CDH10: variants seen among roughly 807,000 people sequenced by gnomAD.
The protein encoded by CDH10 is cadherin 10.
Under a neutral mutation model 73.1 loss-of-function variants are expected in CDH10, and 30 were observed. The ratio of observed to expected loss-of-function variants is 0.41; its 90% CI spans 0.31 to 0.56. The LOEUF (loss-of-function observed/expected upper bound fraction) is 0.56, where lower values mean the gene tolerates loss of function less well. Among genes scored for constraint, CDH10 ranks in the 20% least tolerant of loss-of-function variants. The pLI is 0.27. For missense variants in CDH10, 815 were observed against 973.7 expected (o/e 0.84, Z 2.17); for synonymous variants, 345 against 348.2 (o/e 0.99, Z 0.10).
chr5:24,559,674 G>A (rs917356249), intron 2 of CDH10, among the ~76,000 whole-genome samples: 5 of 151,980 alleles, frequency 3.3e-5, no homozygotes, highest in Admixed American at 3.3e-4. Context: ...TAATGAAACA[G>A]GTGACAACAA....
chr5:24,581,827 T>C (rs10942060), intron 2 of CDH10, among the ~76,000 whole-genome samples: 58,434 of 152,044 alleles, frequency 0.38, 13,665 homozygotes, highest in East Asian at 0.54. Context: ...ATTTCATTAT[T>C]TGCTTGGATT....
chr5:24,611,856 A>G (rs970183340), intron 1 of CDH10: 5 of 152,138 alleles, frequency 3.3e-5, no homozygotes, highest in African/African-American at 1.2e-4. Flanking sequence ...CATGTTGAAG[A>G]GGATCATGGA....
chr5:24,643,967 C>T lies in CDH10; in HGVS notation c.-124+627G>A, dbSNP rs1281897734. ...TTACTCTCCCTCTCTTTACCTCTCT[C>T]CCCCCAATACTTCTGACTCAGATAT... On this transcript the variant is annotated intron_variant, in intron 1 of 11. Transcript: ENST00000264463. Among the ~76,000 whole-genome samples, 7 of 152,218 alleles carry T rather than the reference C, an allele frequency of 4.6e-5. 1 individual carries two copies. In the East Asian group the frequency reaches 1.2e-3, roughly 25 times the overall value.
intron 2 of CDH10, among the ~76,000 whole-genome samples, chr5:24,549,070 C>T (rs1167806110): frequency 6.6e-6 from 1 of 152,014 alleles, no homozygotes; most frequent in Non-Finnish European, 1.5e-5. Context: ...AAATTGGATA[C>T]AGAAAAATGT....
chr5:24,522,741 A>C (rs1743381732), intron 5 of CDH10, among the ~76,000 whole-genome samples: 1 of 152,178 alleles, frequency 6.6e-6, no homozygotes, highest in African/African-American at 2.4e-5. Flanking sequence ...AAGATCTAAA[A>C]GATTCATCAG....
intron 5 of CDH10, among the ~76,000 whole-genome samples, chr5:24,533,414 T>C (rs557035978): frequency 6.6e-6 from 1 of 151,996 alleles, no homozygotes; most frequent in Admixed American, 6.6e-5. Context: ...AAATGTATTG[T>C]ACTATACATT....
chr5:24,629,015 T>G (rs889152334), intron 1 of CDH10, among the ~76,000 whole-genome samples: 1 of 152,158 alleles, frequency 6.6e-6, no homozygotes, highest in African/African-American at 2.4e-5. Flanking sequence ...ATTTTATTTC[T>G]CAAAGATATG....
At chr5:24,523,901 ATATAAC>A (rs1199266367) in intron 5 of CDH10, among the ~76,000 whole-genome samples, 3 of 152,130 alleles carry the variant, frequency 2.0e-5, no homozygotes, top group Non-Finnish European at 4.4e-5. Flanking sequence ...TGATGATACA[ATATAAC>A]TATATTGATG....
At chr5:24,493,056 G>C (rs1207746442) in intron 9 of CDH10, 131 bp from the exon 10 acceptor site, 15 of 548,040 alleles carry the variant, frequency 2.7e-5, no homozygotes, top group Non-Finnish European at 4.6e-5. Context: ...GTATCCTTGA[G>C]TTAATCCATC....
At chr5:24,516,718 A>G (rs62349565) in intron 5 of CDH10, among the ~76,000 whole-genome samples, 26,731 of 151,814 alleles carry the variant, frequency 0.18, 3,060 homozygotes, top group Non-Finnish European at 0.27. Context: ...GTGCCTTTCA[A>G]CATGTCTTCA....
chr5:24,501,326 C>T (rs1056528513), intron 8 of CDH10, among the ~76,000 whole-genome samples: 2 of 152,134 alleles, frequency 1.3e-5, no homozygotes, highest in Non-Finnish European at 2.9e-5. Context: ...AAATCAAAAG[C>T]TAAATCCACA....
intron 2 of CDH10, among the ~76,000 whole-genome samples, chr5:24,566,054 T>G (rs761262718): frequency 6.6e-6 from 1 of 152,092 alleles, no homozygotes; most frequent in Non-Finnish European, 1.5e-5. Flanking sequence ...GTTTTTTGTT[T>G]TGTTTTGTTT....
intron 1 of CDH10, among the ~76,000 whole-genome samples, chr5:24,630,949 G>A (rs1213036393): frequency 6.6e-6 from 1 of 152,092 alleles, no homozygotes; most frequent in Non-Finnish European, 1.5e-5. Flanking sequence ...CAACATTATT[G>A]TTCCATCTTC....
chr5:24,534,309 T>G lies in CDH10; in HGVS notation c.814+803A>C, dbSNP rs192739534. On this transcript the variant is annotated intron_variant, in intron 5 of 11. Coordinates refer to ENST00000264463, the MANE Select transcript of CDH10 (RefSeq NM_006727.5). ...ATAGGCTGTAGTCGAATATTTTTTT[T>G]TGTGTCACATTTCTAATGACCCTAA... Among the ~76,000 whole-genome samples, 285 of 152,216 alleles carry G rather than the reference T, an allele frequency of 1.9e-3. 1 individual carries two copies. Among genetic ancestry groups the G allele is most frequent in the African/African-American group, 6.2e-3 (257 of 41,572 alleles).
intron 2 of CDH10, among the ~76,000 whole-genome samples, chr5:24,570,112 C>T (rs1478150033): frequency 6.6e-6 from 1 of 151,994 alleles, no homozygotes; most frequent in Non-Finnish European, 1.5e-5. Flanking sequence ...TGAAATTGGT[C>T]CAATTTTCTG....
chr5:24,554,473 CGTGT>C (rs70965612), intron 2 of CDH10, among the ~76,000 whole-genome samples: 6,273 of 149,294 alleles, frequency 0.042, 196 homozygotes, highest in African/African-American at 0.063. Flanking sequence ...TCTCCCTATT[CGTGT>C]GTGTGTGTGT....
At chr5:24,582,322 A>G (rs1745831667) in intron 2 of CDH10, among the ~76,000 whole-genome samples, 1 of 152,252 alleles carries the variant, frequency 6.6e-6, no homozygotes, top group Non-Finnish European at 1.5e-5. Context: ...CAAAAGAAGA[A>G]AGACAAAAGA....
rs139053561 is a variant in CDH10 at position 24,599,734 on chromosome 5, C to A, written c.-123-6121G>T. Among the ~76,000 whole-genome samples the A allele has an allele frequency of 8.5e-3, 1,297 of 152,156 alleles. 77 individuals are homozygous for A. The highest frequency in any genetic ancestry group is 0.076 in the Admixed American group (1,165 of 15,258). ...TCTACTTAAATGCATAAATATAGAT[C>A]TTTACGCAAGGATAAGCACAGGAAT... is the stretch of plus-strand genomic sequence containing the variant. On this transcript the variant is annotated intron_variant, in intron 1 of 11. Coordinates refer to ENST00000264463, the MANE Select transcript of CDH10 (RefSeq NM_006727.5).
At chr5:24,572,024 C>CTGGT (rs1438635950) in intron 2 of CDH10, among the ~76,000 whole-genome samples, 1 of 151,268 alleles carries the variant, frequency 6.6e-6, no homozygotes, top group East Asian at 1.9e-4. Flanking sequence ...TAAAATTTTT[C>CTGGT]TGGTTTAAAA....
Sources: gnomAD v4.1 joint callset for allele counts (sites outside exome capture counted in the v4.1 genomes callset) on GRCh38, gnomAD v4.1.1 for gene constraint, MANE v1.5 for transcripts, NCBI Gene and HGNC (gene_info 2026-07-23, HGNC 2026-07-21) for gene names.